Variants in FCHSD2 observed in about 807,000 individuals in gnomAD.
FCHSD2 encodes the protein F-BAR and double SH3 domains protein 2.
Under a neutral mutation model 108.1 loss-of-function variants are expected in FCHSD2, and 38 were observed. The observed-to-expected ratio is 0.35, with a 90% CI of 0.27 to 0.46. FCHSD2 has a LOEUF of 0.46. Among genes scored for constraint, FCHSD2 ranks in the 20% least tolerant of loss-of-function variants. The pLI is 1.00. For missense variants in FCHSD2, 751 were observed against 897.8 expected (o/e 0.84, Z 2.09); for synonymous variants, 279 against 314.7 (o/e 0.89, Z 1.20).
intron 6 of FCHSD2, among the ~76,000 whole-genome samples, chr11:72,986,079 T>G (rs1857304973): frequency 6.6e-6 from 1 of 152,202 alleles, no homozygotes; most frequent in Non-Finnish European, 1.5e-5. Flanking sequence ...GCCTCTTATT[T>G]TTCTAACAAG....
At chr11:72,941,066 C>T (rs1856407789) in intron 8 of FCHSD2, 3 of 641,924 alleles carry the variant, frequency 4.7e-6, no homozygotes, top group Non-Finnish European at 8.5e-6. Flanking sequence ...TCTTGCCGGG[C>T]AGCTTAGAGA....
chr11:73,126,339 TAAAAAAA>T (rs61586562), intron 2 of FCHSD2, among the ~76,000 whole-genome samples: 140 of 27,654 alleles, frequency 5.1e-3, no homozygotes, highest in African/African-American at 9.5e-3. Flanking sequence ...GATTCCATCT[TAAAAAAA>T]AAAAAAAAAA....
chr11:72,984,306 C>T, intron 7 of FCHSD2, 90 bp from the exon 8 acceptor site: 2 of 1,223,156 alleles, frequency 1.6e-6, no homozygotes, highest in Non-Finnish European at 2.4e-6. Context: ...CAATTAATGG[C>T]TCCCCAACAA....
chr11:73,028,072 TG>T (rs1858270287), intron 3 of FCHSD2, among the ~76,000 whole-genome samples: 1 of 152,164 alleles, frequency 6.6e-6, no homozygotes, highest in African/African-American at 2.4e-5. Context: ...AGGGGAAATG[TG>T]GGGTTGGAGC....
chr11:73,081,347 T>C (rs1254985751), intron 3 of FCHSD2, among the ~76,000 whole-genome samples: 4 of 151,932 alleles, frequency 2.6e-5, no homozygotes, highest in Non-Finnish European at 5.9e-5. Context: ...GGTAGGAGAA[T>C]TGCTTGAACT....
At chr11:72,917,349 TTCTC>T (rs1591396746) in intron 9 of FCHSD2, among the ~76,000 whole-genome samples, 1 of 152,194 alleles carries the variant, frequency 6.6e-6, no homozygotes, top group African/African-American at 2.4e-5. Flanking sequence ...AGAATATTCT[TTCTC>T]TATTGAATAG....
chr11:73,125,653 C>T (rs1565102380), intron 2 of FCHSD2, among the ~76,000 whole-genome samples: 1 of 151,758 alleles, frequency 6.6e-6, no homozygotes, highest in Non-Finnish European at 1.5e-5. Flanking sequence ...TGCAGTGAGC[C>T]ATGACCGCAC....
At chr11:73,003,406 T>C (rs1857666628) in intron 4 of FCHSD2, among the ~76,000 whole-genome samples, 3 of 152,174 alleles carry the variant, frequency 2.0e-5, no homozygotes, top group African/African-American at 4.8e-5. Context: ...GAAGCACTTC[T>C]TGTTAACATA....
rs186632988 is a variant in FCHSD2 at position 73,036,381 on chromosome 11, A to G, written c.166-20496T>C. ...ATTTTGTACAATATTTCACAACGTT[A>G]TATCGGTCTTTGGAGTCAAATAAAT... is the stretch of plus-strand genomic sequence containing the variant. On this transcript the variant is annotated intron_variant, in intron 3 of 19. Transcript: ENST00000409418. Among the ~76,000 whole-genome samples, 120 of 152,172 alleles carry G rather than the reference A, an allele frequency of 7.9e-4. 2 individuals are homozygous for G. The highest frequency in any genetic ancestry group is 1.2e-4 in the African/African-American group (5 of 41,522).
At chr11:72,927,401 T>C (rs1317034784) in intron 8 of FCHSD2, among the ~76,000 whole-genome samples, 2 of 152,280 alleles carry the variant, frequency 1.3e-5, no homozygotes, top group African/African-American at 4.8e-5. Context: ...GTGATGATGA[T>C]GGTGTCAGTG....
intron 10 of FCHSD2, chr11:72,900,257 C>T: frequency 6.7e-7 from 1 of 1,494,882 alleles, no homozygotes; most frequent in Non-Finnish European, 9.0e-7. Flanking sequence ...CCCCATATAC[C>T]TCAGCTATGG....
intron 5 of FCHSD2, among the ~76,000 whole-genome samples, chr11:72,996,245 CTT>C (rs1318079487): frequency 6.6e-6 from 1 of 152,106 alleles, no homozygotes; most frequent in African/African-American, 2.4e-5. Flanking sequence ...ACCTAAGTCT[CTT>C]TAACATTTTT....
At chr11:73,122,506 G>C (rs746103407) in intron 2 of FCHSD2, among the ~76,000 whole-genome samples, 3 of 152,188 alleles carry the variant, frequency 2.0e-5, no homozygotes, top group Non-Finnish European at 4.4e-5. Flanking sequence ...CAGAACACAG[G>C]AATGGCTACT....
At chr11:73,084,720 T>TTATG (rs1859774429) in intron 2 of FCHSD2, among the ~76,000 whole-genome samples, 1 of 152,348 alleles carries the variant, frequency 6.6e-6, no homozygotes, top group Admixed American at 6.5e-5. Context: ...GTATTAACAT[T>TTATG]TATGATACTG....
At chr11:72,849,594 C>G (rs534557131) in intron 14 of FCHSD2, among the ~76,000 whole-genome samples, 161 bp downstream of exon 14, 1 of 152,296 alleles carries the variant, frequency 6.6e-6, no homozygotes, top group East Asian at 1.9e-4. Context: ...TGAAAGACGT[C>G]AAGTCAGAGC....
At chr11:73,005,375 A>C (rs377510266) in intron 4 of FCHSD2, among the ~76,000 whole-genome samples, 5 of 152,362 alleles carry the variant, frequency 3.3e-5, no homozygotes, top group African/African-American at 1.2e-4. Context: ...TAGTCCAAAT[A>C]GTTCAAGTCT....
chr11:72,970,117 G>A (rs1856981918), intron 8 of FCHSD2, among the ~76,000 whole-genome samples: 1 of 152,154 alleles, frequency 6.6e-6, no homozygotes, highest in South Asian at 2.1e-4. Flanking sequence ...AAAACTAGAG[G>A]GAGGTACTTG....
chr11:73,094,848 G>A (rs1177939721), intron 2 of FCHSD2, among the ~76,000 whole-genome samples: 4 of 152,150 alleles, frequency 2.6e-5, no homozygotes, highest in Non-Finnish European at 4.4e-5. Context: ...ATGATGACCT[G>A]AGAATACAAA....
intron 14 of FCHSD2, among the ~76,000 whole-genome samples, chr11:72,846,716 C>G (rs1861154746): frequency 6.6e-6 from 1 of 152,200 alleles, no homozygotes; most frequent in Non-Finnish European, 1.5e-5. Context: ...CCACCAGTAT[C>G]TCTCCAAATT....
Sources: gnomAD v4.1 joint callset for allele counts (sites outside exome capture counted in the v4.1 genomes callset) on GRCh38, gnomAD v4.1.1 for gene constraint, MANE v1.5 for transcripts, NCBI Gene and HGNC (gene_info 2026-07-23, HGNC 2026-07-21) for gene names.